Variants in FGF14 observed in about 807,000 individuals in gnomAD.
FGF14 encodes the protein fibroblast growth factor 14.
FGF14 carries 5 observed loss-of-function variants against 25.5 expected under a neutral mutation model. The observed-to-expected ratio is 0.20, with a 90% CI of 0.10 to 0.41. The LOEUF is 0.41. FGF14 is among the 10% of genes least tolerant of loss of function. The pLI, the probability that FGF14 is intolerant of heterozygous loss-of-function variation, is 1.00. For synonymous variants in FGF14, 138 were observed against 118.3 expected, an observed-to-expected ratio of 1.17 and a Z score of -1.08; for missense variants, 222 against 320.1, an observed-to-expected ratio of 0.69 and a Z score of 2.34.
chr13:102,156,402 AC>A (rs2140533503), intron 1 of FGF14, among the ~76,000 whole-genome samples: 1 of 152,370 alleles, frequency 6.6e-6, no homozygotes, highest in South Asian at 2.1e-4. Flanking sequence ...AGAACCAATG[AC>A]AAAAACCACA....
chr13:101,870,975 A>AATAC (rs202103201), intron 2 of FGF14, among the ~76,000 whole-genome samples: 6,289 of 150,452 alleles, frequency 0.042, 386 homozygotes, highest in African/African-American at 0.13. Flanking sequence ...TAAATAAATA[A>AATAC]ATACATACAT....
intron 1 of FGF14, among the ~76,000 whole-genome samples, chr13:102,200,224 G>A (rs2049553880): frequency 6.6e-6 from 1 of 151,928 alleles, no homozygotes; most frequent in Admixed American, 6.6e-5. Flanking sequence ...TTTAATCCTT[G>A]TTATATTTAT....
rs532984715 is a variant in FGF14, at chr13:101,781,373, G to A, written c.409-54563C>T. Among the ~76,000 whole-genome samples the A allele has an allele frequency of 8.6e-5, 13 of 151,992 alleles. No homozygotes were observed. The East Asian group carries it at 2.1e-3, about 25-fold the overall frequency. ...ACTGGATGTTGTCTTTTTTTCTACC[G>A]TATTCTCAGCATCAGAGCTGTGCCT... On this transcript the variant is annotated intron_variant, in intron 3 of 4. Transcript: ENST00000376143.
At chr13:101,815,998 G>A (rs1273111850) in intron 3 of FGF14, among the ~76,000 whole-genome samples, 5 of 122,162 alleles carry the variant, frequency 4.1e-5, no homozygotes, top group South Asian at 2.8e-4. Context: ...TTGGCCGGGC[G>A]CGGTGGCTCA....
At chr13:102,044,007 C>A (rs570245052) in intron 1 of FGF14, among the ~76,000 whole-genome samples, 6 of 152,210 alleles carry the variant, frequency 3.9e-5, no homozygotes, top group African/African-American at 9.6e-5. Flanking sequence ...ATGAGTGGAA[C>A]TGCATAGAAA....
At chr13:102,195,023 C>CA (rs1298720235) in intron 1 of FGF14, among the ~76,000 whole-genome samples, 3 of 150,866 alleles carry the variant, frequency 2.0e-5, no homozygotes, top group Non-Finnish European at 4.4e-5. Context: ...AACTATTCTT[C>CA]AAAAATGAAA....
chr13:102,196,664 C>A (rs1369332998), intron 1 of FGF14, among the ~76,000 whole-genome samples: 1 of 152,078 alleles, frequency 6.6e-6, no homozygotes, highest in Non-Finnish European at 1.5e-5. Flanking sequence ...AATTCATCAC[C>A]TCACATATAA....
chr13:102,070,073 C>A (rs1247396654), intron 1 of FGF14, among the ~76,000 whole-genome samples: 1 of 152,088 alleles, frequency 6.6e-6, no homozygotes, highest in Non-Finnish European at 1.5e-5. Flanking sequence ...GTAATGGAAA[C>A]AATCAACAAA....
chr13:102,191,999 TTTAATG>T (rs2049143013), intron 1 of FGF14, among the ~76,000 whole-genome samples: 1 of 152,224 alleles, frequency 6.6e-6, no homozygotes, highest in South Asian at 2.1e-4. Context: ...CTCTTTTTCA[TTTAATG>T]CCATTTATTC....
At chr13:102,018,211 C>A (rs533314115) in intron 1 of FGF14, among the ~76,000 whole-genome samples, 1 of 152,252 alleles carries the variant, frequency 6.6e-6, no homozygotes, top group Admixed American at 6.5e-5. Context: ...TAAAGTTAGA[C>A]AGGGTGTGCC....
chr13:102,328,450 A>G (rs148922604), intron 1 of FGF14, among the ~76,000 whole-genome samples: 1 of 152,238 alleles, frequency 6.6e-6, no homozygotes, highest in East Asian at 1.9e-4. Context: ...ACATGTCTCT[A>G]CCTCCTCTAT....
chr13:102,015,322 AG>A (rs2040282962), intron 1 of FGF14, among the ~76,000 whole-genome samples: 1 of 152,334 alleles, frequency 6.6e-6, no homozygotes, highest in Admixed American at 6.5e-5. Flanking sequence ...GTATCACCAA[AG>A]GAATATATAT....
At chr13:101,839,599 G>A (rs191155582) in intron 3 of FGF14, among the ~76,000 whole-genome samples, 1 of 152,076 alleles carries the variant, frequency 6.6e-6, no homozygotes, top group African/African-American at 2.4e-5. Context: ...TTTGATACAG[G>A]CATGCAATGC....
intron 1 of FGF14, among the ~76,000 whole-genome samples, chr13:102,105,647 G>A (rs558057365): frequency 1.5e-4 from 23 of 152,248 alleles, no homozygotes; most frequent in Non-Finnish European, 2.8e-4. Context: ...CATGAAAACT[G>A]TTTCATTTAT....
intron 1 of FGF14, among the ~76,000 whole-genome samples, chr13:102,166,069 T>C (rs1288783509): frequency 2.0e-5 from 3 of 151,528 alleles, no homozygotes; most frequent in Middle Eastern, 3.4e-3. Context: ...AAACTCTGCA[T>C]CCATTGAACA....
At chr13:101,815,585 T>G (rs2041801081) in intron 3 of FGF14, among the ~76,000 whole-genome samples, 1 of 152,144 alleles carries the variant, frequency 6.6e-6, no homozygotes, top group South Asian at 2.1e-4. Context: ...TGAAGCTAAG[T>G]GAGGGCTTCA....
intron 1 of FGF14, among the ~76,000 whole-genome samples, chr13:102,041,802 G>C (rs1385313976): frequency 6.6e-6 from 1 of 152,126 alleles, no homozygotes; most frequent in Non-Finnish European, 1.5e-5. Flanking sequence ...AGTGGGGAGA[G>C]AGAACTACCT....
chr13:101,718,778 C>T lies in FGF14; in HGVS notation c.*4053G>A, dbSNP rs2034816557. ...CATTGGAATTAGACTTAGTGAAAAC[C>T]AGGAAAAAAAAAAAAAACTAAAATA... On this transcript the variant is annotated 3_prime_UTR_variant, in exon 5 of 5. Transcript: ENST00000376143. The T allele has an allele frequency of 1.4e-5, 2 of 147,158 alleles. No homozygotes were observed. The highest frequency in any genetic ancestry group is 5.1e-5 in the African/African-American group (2 of 39,450). 9.1% of individuals were successfully genotyped at this position (147,158 alleles called of 1,614,324 possible).
At chr13:102,168,443 T>C (rs1176409624) in intron 1 of FGF14, among the ~76,000 whole-genome samples, 1 of 152,050 alleles carries the variant, frequency 6.6e-6, no homozygotes, top group African/African-American at 2.4e-5. Flanking sequence ...CCTCCCAGAG[T>C]GCTGAGATTA....
Sources: allele counts gnomAD v4.1 joint callset (sites outside exome capture counted in the v4.1 genomes callset), GRCh38; gene constraint gnomAD v4.1.1; transcripts MANE v1.5; gene names NCBI Gene and HGNC (gene_info 2026-07-23, HGNC 2026-07-21).